Variants in PLCZ1 observed in about 807,000 individuals in gnomAD.
PLCZ1 encodes phospholipase C zeta 1, also known as 1-phosphatidylinositol 4,5-bisphosphate phosphodiesterase zeta-1.
PLCZ1 carries 64 observed loss-of-function variants against 76.8 expected under a neutral mutation model. The observed-to-expected ratio is 0.83, with a 90% CI of 0.68 to 1.03. The LOEUF (loss-of-function observed/expected upper bound fraction) is 1.03, where lower values mean the gene tolerates loss of function less well. Among genes scored for constraint, PLCZ1 ranks in the 50% least tolerant of loss-of-function variants. The pLI is 0.00. For missense variants in PLCZ1, 751 were observed against 713.7 expected, an observed-to-expected ratio of 1.05 and a Z score of -0.60; for synonymous variants, 248 against 230.8, an observed-to-expected ratio of 1.07 and a Z score of -0.68.
At chr12:18,704,652 G>A (rs1258924030) in intron 7 of PLCZ1, among the ~76,000 whole-genome samples, 1 of 152,056 alleles carries the variant, frequency 6.6e-6, no homozygotes, top group East Asian at 1.9e-4. Context: ...TAAAGAGACA[G>A]CCAGAGAGAG....
the PLCZ1 span, among the ~76,000 whole-genome samples, chr12:18,664,899 T>C: frequency 1.3e-5 from 2 of 149,864 alleles, no homozygotes; most frequent in Non-Finnish European, 3.0e-5. Context: ...CAGTAAACTA[T>C]CACAAGGACA....
At position 18,705,304 on chromosome 12, in the gene PLCZ1, G is replaced by A. The variant is rs770746933; in HGVS notation, c.726C>T (p.Tyr242=). 6 of 1,613,892 alleles carry A rather than the reference G, an allele frequency of 3.7e-6. No individual in the cohort carries two copies. The Admixed American group carries it at 1.0e-4, about 27-fold the overall frequency. ...IHKYAFMTSD[Y]PVVLSLENHC... ...GATTTTCTAAAGAGAGCACCACTGGGTAGTCAGATGTCTAAAAAAGTAACC... is the reference window on the plus strand; with the variant it reads ...GATTTTCTAAAGAGAGCACCACTGGATAGTCAGATGTCTAAAAAAGTAACC... Residue 242 remains tyrosine (Y), a synonymous_variant, in exon 7 of 15, where the codon TAC becomes TAT. Transcript: ENST00000266505.
At chr12:18,682,321 TA>T (rs1952497128), downstream of PLCZ1, among the ~76,000 whole-genome samples, 1 of 152,080 alleles carries the variant, frequency 6.6e-6, no homozygotes, top group African/African-American at 2.4e-5. Flanking sequence ...AACATTTTAT[TA>T]TTTTAGTTAT....
chr12:18,720,717 A>G (rs1330196267), intron 4 of PLCZ1, among the ~76,000 whole-genome samples: 2 of 152,024 alleles, frequency 1.3e-5, no homozygotes, highest in African/African-American at 4.8e-5. Context: ...AGAGAATTTT[A>G]TTTCCAGGAA....
At chr12:18,693,594 T>G in intron 12 of PLCZ1, 1 of 1,587,272 alleles carries the variant, frequency 6.3e-7, no homozygotes, top group Non-Finnish European at 8.7e-7. Flanking sequence ...TTGTTTCGAG[T>G]TGCTGAAGAA....
At chr12:18,708,577 A>G (rs897214135) in intron 6 of PLCZ1, among the ~76,000 whole-genome samples, 8 of 151,302 alleles carry the variant, frequency 5.3e-5, no homozygotes, top group Non-Finnish European at 1.2e-4. Flanking sequence ...TTCTTTAGAA[A>G]CCTCCATGCT....
chr12:18,737,019 A>G (rs1959407541), intron 2 of PLCZ1, among the ~76,000 whole-genome samples: 1 of 152,160 alleles, frequency 6.6e-6, no homozygotes, highest in African/African-American at 2.4e-5. Context: ...TCCATTTGAA[A>G]AACTAAGATC....
chr12:18,648,032 T>C, the PLCZ1 span: 3 of 1,578,228 alleles, frequency 1.9e-6, no homozygotes, highest in African/African-American at 1.4e-5. Context: ...AATTTGACCA[T>C]TGCTATGAAC....
At chr12:18,676,344 A>G in the PLCZ1 span, among the ~76,000 whole-genome samples, 1 of 152,036 alleles carries the variant, frequency 6.6e-6, no homozygotes, top group South Asian at 2.1e-4. Context: ...TTTGTAACTG[A>G]AAGAATCTAA....
intron 3 of PLCZ1, among the ~76,000 whole-genome samples, chr12:18,724,305 C>T (rs556488436): frequency 2.2e-4 from 33 of 151,706 alleles, no homozygotes; most frequent in African/African-American, 7.0e-4. Flanking sequence ...CAGAAGAATT[C>T]GACACAATGA....
chr12:18,712,833 T>C lies in PLCZ1; in HGVS notation c.714+9A>G, dbSNP rs1285119541. 1.1e-5 allele frequency: 17 copies of C among 1,613,250 alleles called. No individual in the cohort carries two copies. In the African/African-American group the frequency reaches 1.6e-4, roughly 15 times the overall value. On this transcript the variant is annotated intron_variant, in intron 6 of 14. Transcript: ENST00000266505. The stretch of plus-strand genomic sequence containing the variant: ...AAATAGCTACAGTTGAACAAAGATA[T>C]GTACATACCATGAATGCATACTTGT...
chr12:18,719,452 C>T lies in PLCZ1; in HGVS notation c.548G>A (p.Ser183Asn). 1 of 1,535,444 alleles carries T rather than the reference C, an allele frequency of 6.5e-7. No individual in the cohort carries two copies. The highest frequency in any genetic ancestry group is 8.8e-7 in the Non-Finnish European group (1 of 1,135,572). ...YLVSDQLLGP[S>N]DLWGYVSALV... ...ATACCTTACATATCCCCAAAGGTCACTTGGTCCCAATAATTGATCAGATAC... is the reference window on the plus strand; with the variant it reads ...ATACCTTACATATCCCCAAAGGTCATTTGGTCCCAATAATTGATCAGATAC... Residue 183 changes from serine to asparagine, a missense_variant, in exon 5 of 15, where the codon AGT (serine) becomes AAT (asparagine). Transcript: ENST00000266505.
rs553427942 is a variant in PLCZ1, at chr12:18,699,319, G to C, written c.1174+475C>G. Among the ~76,000 whole-genome samples the C allele has an allele frequency of 1.5e-4, 23 of 152,238 alleles. No homozygotes were observed. The South Asian group carries it at 2.9e-3, about 19-fold the overall frequency. On this transcript the variant is annotated intron_variant, in intron 10 of 14. Transcript: ENST00000266505. ...AGTTCATCCTGTCTCCACTCTCACT[G>C]CCAGAAATCTTTATTACCGCCTTCC... is the stretch of plus-strand genomic sequence containing the variant.
intron 7 of PLCZ1, among the ~76,000 whole-genome samples, chr12:18,704,419 G>A (rs10770387): frequency 0.45 from 67,808 of 151,880 alleles, 17,364 homozygotes; most frequent in South Asian, 0.6. Context: ...CCCGCCTCCC[G>A]GGTTCAAGCG....
At chr12:18,712,711 C>T (rs913357503) in intron 6 of PLCZ1, 131 bp downstream of exon 6, 23 of 1,108,468 alleles carry the variant, frequency 2.1e-5, no homozygotes, top group Non-Finnish European at 3.1e-5. Context: ...ATTTCACTGC[C>T]TACTAATGGA....
At chr12:18,725,695 C>G (rs1340762368) in intron 3 of PLCZ1, among the ~76,000 whole-genome samples, 2 of 152,098 alleles carry the variant, frequency 1.3e-5, no homozygotes, top group African/African-American at 4.8e-5. Context: ...CTCCTTCCAC[C>G]TCACACTTCA....
At chr12:18,701,858 T>C in intron 7 of PLCZ1, 82 bp from the exon 8 acceptor site, 1 of 1,521,876 alleles carries the variant, frequency 6.6e-7, no homozygotes, top group Non-Finnish European at 8.8e-7. Context: ...TGTTTCACTA[T>C]ATTTCCAATT....
the PLCZ1 span, among the ~76,000 whole-genome samples, chr12:18,647,359 C>T: frequency 6.6e-6 from 1 of 151,552 alleles, no homozygotes; most frequent in African/African-American, 2.4e-5. Context: ...ACGTTCACTA[C>T]TTAGGCAACA....
chr12:18,646,589 C>T, the PLCZ1 span, among the ~76,000 whole-genome samples: 7 of 152,076 alleles, frequency 4.6e-5, no homozygotes, highest in Non-Finnish European at 1.0e-4. Flanking sequence ...GGGAGGCCAC[C>T]CAGTGAACTC....
Sources: allele counts gnomAD v4.1 joint callset (sites outside exome capture counted in the v4.1 genomes callset), GRCh38; gene constraint gnomAD v4.1.1; transcripts MANE v1.5; gene names NCBI Gene and HGNC (gene_info 2026-07-23, HGNC 2026-07-21).